The following CRX variants were observed in gnomAD, a reference collection of about 807,000 sequenced individuals.
CRX encodes the protein cone-rod homeobox, also known as cone-rod homeobox protein.
A neutral mutation model predicts 13.1 loss-of-function variants in CRX; 5 were observed. The ratio of observed to expected loss-of-function variants is 0.38; its 90% CI spans 0.20 to 0.80. The LOEUF is 0.80. CRX is among the 30% of genes least tolerant of loss of function. The probability of loss-of-function intolerance (pLI) is 0.43; values close to 1 mark genes in which losing one functional copy is unlikely to be tolerated. For synonymous variants in CRX, 179 were observed against 171.1 expected, an observed-to-expected ratio of 1.05 and a Z score of -0.36; for missense variants, 351 against 391.8, an observed-to-expected ratio of 0.90 and a Z score of 0.88.
intron 1 of CRX, among the ~76,000 whole-genome samples, chr19:47,822,503 G>T (rs527645609): frequency 3.3e-5 from 5 of 152,194 alleles, no homozygotes; most frequent in Non-Finnish European, 5.9e-5. Context: ...AATATGTGTT[G>T]CATAGATGGA....
chr19:47,824,881 G>A (rs1967956238), intron 1 of CRX, among the ~76,000 whole-genome samples: 1 of 150,644 alleles, frequency 6.6e-6, no homozygotes, highest in Non-Finnish European at 1.5e-5. Flanking sequence ...TGTTGTCATT[G>A]TGAGATCTTG....
Position 47,842,842 on chromosome 19 carries a change from TCTC to T in CRX, c.*2878_*2880del, listed in dbSNP as rs1425017692. 2 of 152,194 alleles carry T rather than the reference TCTC, an allele frequency of 1.3e-5. No homozygotes were observed. Among genetic ancestry groups the T allele is most frequent in the African/African-American group, 2.4e-5 (1 of 41,378 alleles). 9.4% of individuals were successfully genotyped at this position (152,194 alleles called of 1,614,324 possible). A position where few individuals can be genotyped will look rare whatever the true frequency, so the allele number is the denominator to read the frequency against. The stretch of plus-strand genomic sequence containing the variant: ...GGGACTCAGGCGTGGAAGAGAATCT[TCTC>T]CTTATTCACCGGGGAGGCTGTGTCT... On this transcript the variant is annotated 3_prime_UTR_variant, in exon 4 of 4. Coordinates refer to ENST00000221996, the MANE Select transcript of CRX (RefSeq NM_000554.6).
At chr19:47,830,051 AAC>A (rs1311761440) in intron 1 of CRX, among the ~76,000 whole-genome samples, 5 of 148,934 alleles carry the variant, frequency 3.4e-5, no homozygotes, top group Admixed American at 2.7e-4. Flanking sequence ...AATATATAAT[AAC>A]ACAAATAATA....
In CRX at chr19:47,843,205, G is replaced by A. The variant is rs4081725; in HGVS notation, c.*3238G>A. On this transcript the variant is annotated 3_prime_UTR_variant, in exon 4 of 4. Coordinates refer to ENST00000221996, the MANE Select transcript of CRX (RefSeq NM_000554.6). ...AGGCAGGTGGGGACAGAAGGAAGAA[G>A]CCAGGAGCCTCCCTGAGAAGGTGTC... The A allele has an allele frequency of 0.05, 7,655 of 152,346 alleles. 634 individuals carry two copies. Among genetic ancestry groups the A allele is most frequent in the African/African-American group, 0.17 (7,234 of 41,506 alleles). The allele number at this position is 152,346 out of a possible 1,614,324, so 9.4% of individuals were successfully genotyped here. A position where few individuals can be genotyped will look rare whatever the true frequency, so the allele number is the denominator to read the frequency against.
In CRX at chr19:47,838,876, C is replaced by T. The variant is rs141458827; in HGVS notation, c.253-444C>T. On this transcript the variant is annotated intron_variant, in intron 3 of 3. Transcript: ENST00000221996. ...GATGGATGAAAATGTGTATGATGTA[C>T]GTATGATCATATAGATGGGTAAATG... 1.8e-3 allele frequency among the ~76,000 whole-genome samples: 213 copies of T among 121,412 alleles called. 1 individual carries two copies. The highest frequency in any genetic ancestry group is 5.2e-3 in the African/African-American group (162 of 31,450). The allele number at this position is 121,412 out of a possible 152,430, so 79.7% of individuals were successfully genotyped here. A position where few individuals can be genotyped will look rare whatever the true frequency, so the allele number is the denominator to read the frequency against.
Position 47,835,151 on chromosome 19 carries a change from T to G in CRX, c.100+608T>G, listed in dbSNP as rs1254516309. On this transcript the variant is annotated intron_variant, in intron 2 of 3. Transcript: ENST00000221996. ...CTAGGATTACAGGTGCACGCCACCATGCCTGGCTAACTTTTTTAAGTTTTT... is the reference window on the plus strand; with the variant it reads ...CTAGGATTACAGGTGCACGCCACCAGGCCTGGCTAACTTTTTTAAGTTTTT... Among the ~76,000 whole-genome samples, 4 of 152,132 alleles carry G rather than the reference T, an allele frequency of 2.6e-5. No individual in the cohort carries two copies. In the East Asian group the frequency reaches 7.7e-4, roughly 29 times the overall value.
At chr19:47,835,903 G>A (rs1174808342) in intron 2 of CRX, among the ~76,000 whole-genome samples, 1 of 152,172 alleles carries the variant, frequency 6.6e-6, no homozygotes, top group Non-Finnish European at 1.5e-5. Flanking sequence ...TTATAGGCGT[G>A]AGCCACCGCA....
intron 1 of CRX, among the ~76,000 whole-genome samples, chr19:47,824,162 T>C (rs976043475): frequency 6.6e-6 from 1 of 152,216 alleles, no homozygotes; most frequent in South Asian, 2.1e-4. Context: ...TAGGTAGACT[T>C]GGGGGTGAAG....
chr19:47,838,576 C>T (rs1365342529), intron 3 of CRX, among the ~76,000 whole-genome samples: 1 of 151,988 alleles, frequency 6.6e-6, no homozygotes, highest in Non-Finnish European at 1.5e-5. Context: ...TGCATGTACA[C>T]TTGCATGTAT....
At chr19:47,833,473 G>T (rs1353817189) in intron 1 of CRX, among the ~76,000 whole-genome samples, 1 of 151,434 alleles carries the variant, frequency 6.6e-6, no homozygotes, top group Non-Finnish European at 1.5e-5. Flanking sequence ...ATAGAGATGG[G>T]GTTTCACCAT....
At chr19:47,824,942 C>CT (rs201171832) in intron 1 of CRX, among the ~76,000 whole-genome samples, 1,778 of 122,928 alleles carry the variant, frequency 0.014, 31 homozygotes, top group East Asian at 0.056. Flanking sequence ...CCTGGACATT[C>CT]TTTTTTTTTT....
Position 47,836,260 on chromosome 19 carries a change from CG to C in CRX, c.120del (p.Arg41GlyfsTer34). The C allele has an allele frequency of 6.2e-7, 1 of 1,614,112 alleles. No homozygotes were observed. The highest frequency in any genetic ancestry group is 8.5e-7 in the Non-Finnish European group (1 of 1,180,006). On this transcript the variant is annotated frameshift_variant, in exon 3 of 4. Transcript: ENST00000221996. LOFTEE classifies it high-confidence loss of function. ...CACCCCAGGCGCCCCCAGGAAGCAG[CG>C]GCGGGAGCGCACCACCTTCACCCGG... ...VPYPSAPRKQRRERTTFTRSQ... is the reference protein window; with the variant it reads ...VPYPSAPRKQXRERTTFTRSQ...
At chr19:47,836,198 G>C in intron 2 of CRX, 45 bp from the exon 3 acceptor site, 1 of 1,613,240 alleles carries the variant, frequency 6.2e-7, no homozygotes, top group Non-Finnish European at 8.5e-7. Flanking sequence ...CCTCACACCA[G>C]CCCATGTGGA....
chr19:47,831,306 C>CAA lies in CRX; in HGVS notation c.-35-3083_-35-3082dup, dbSNP rs5828320. Among the ~76,000 whole-genome samples, 299 of 78,232 alleles carry CAA rather than the reference C, an allele frequency of 3.8e-3. 1 individual carries two copies. Among genetic ancestry groups the CAA allele is most frequent in the Middle Eastern group, 7.9e-3 (1 of 126 alleles). 51.3% of individuals were successfully genotyped at this position (78,232 alleles called of 152,430 possible). On this transcript the variant is annotated intron_variant, in intron 1 of 3. Coordinates refer to ENST00000221996, the MANE Select transcript of CRX (RefSeq NM_000554.6). ...TGGGCGACAGAGCAAGACTCTGTCT[C>CAA]AAAAAAAAAAAAAAAAAAAAAGAAT...
At position 47,835,620 on chromosome 19, in the gene CRX, G is replaced by GTTTT. The variant is rs34872129; in HGVS notation, c.101-607_101-604dup. On this transcript the variant is annotated intron_variant, in intron 2 of 3. Coordinates refer to ENST00000221996, the MANE Select transcript of CRX (RefSeq NM_000554.6). ...TTTGTAGCATTATTCTTTAGCTCTTGTTTTTTTTTTTTTTTTTTTCAAGAC... is the reference window on the plus strand; with the variant it reads ...TTTGTAGCATTATTCTTTAGCTCTTGTTTTTTTTTTTTTTTTTTTTTTTCAAGAC... Among the ~76,000 whole-genome samples the GTTTT allele has an allele frequency of 1.1e-4, 11 of 102,212 alleles. 1 individual carries two copies. The highest frequency in any genetic ancestry group is 2.9e-4 in the African/African-American group (7 of 24,472). The allele number at this position is 102,212 out of a possible 152,430, so 67.1% of individuals were successfully genotyped here.
At chr19:47,823,921 A>G (rs1967943171) in intron 1 of CRX, among the ~76,000 whole-genome samples, 1 of 152,150 alleles carries the variant, frequency 6.6e-6, no homozygotes, top group South Asian at 2.1e-4. Context: ...AAGTGCTGGG[A>G]TTACAGGCGT....
intron 1 of CRX, among the ~76,000 whole-genome samples, chr19:47,826,590 G>A (rs1385498311): frequency 2.0e-5 from 3 of 152,188 alleles, no homozygotes; most frequent in Non-Finnish European, 4.4e-5. Flanking sequence ...GGGTGACAGA[G>A]TGACATGCTG....
chr19:47,834,266 A>C, intron 1 of CRX, 143 bp from the exon 2 acceptor site: 1 of 655,940 alleles, frequency 1.5e-6, no homozygotes, highest in Admixed American at 2.2e-5. Flanking sequence ...ACATGTGAGG[A>C]CACAGAGGTA....
At chr19:47,833,617 G>A (rs1438632738) in intron 1 of CRX, among the ~76,000 whole-genome samples, 1 of 151,934 alleles carries the variant, frequency 6.6e-6, no homozygotes, top group Non-Finnish European at 1.5e-5. Flanking sequence ...CCCTTAGGGT[G>A]ACCAACCAAT....
Sources: allele counts gnomAD v4.1 joint callset (sites outside exome capture counted in the v4.1 genomes callset), GRCh38; gene constraint gnomAD v4.1.1; transcripts MANE v1.5; gene names NCBI Gene and HGNC (gene_info 2026-07-23, HGNC 2026-07-21).